Variants in PTGER4 observed in about 807,000 individuals in gnomAD.
PTGER4 encodes prostaglandin E receptor 4.
PTGER4 carries 11 observed loss-of-function variants against 33.2 expected under a neutral mutation model. That is an observed-to-expected ratio of 0.33 (90% CI 0.21 to 0.55). PTGER4 has a LOEUF of 0.55. Among genes scored for constraint, PTGER4 ranks in the 20% least tolerant of loss-of-function variants. The probability of loss-of-function intolerance (pLI) is 0.92; values close to 1 mark genes in which losing one functional copy is unlikely to be tolerated. For synonymous variants in PTGER4, 275 were observed against 281.5 expected, an observed-to-expected ratio of 0.98 and a Z score of 0.23; for missense variants, 481 against 650.2, an observed-to-expected ratio of 0.74 and a Z score of 2.83.
the PTGER4 span, among the ~76,000 whole-genome samples, chr5:40,723,770 C>T: frequency 6.6e-6 from 1 of 152,036 alleles, no homozygotes; most frequent in Non-Finnish European, 1.5e-5. Flanking sequence ...GAGGCTGAGG[C>T]AGGAGAATCA....
the PTGER4 span, among the ~76,000 whole-genome samples, chr5:40,724,373 G>A: frequency 6.6e-6 from 1 of 152,070 alleles, no homozygotes; most frequent in Non-Finnish European, 1.5e-5. Flanking sequence ...AGTGGCTCAC[G>A]CCTGTAATCC....
At chr5:40,697,594 C>CAAAAAAAAAAAAAA (rs1308596268), downstream of PTGER4, among the ~76,000 whole-genome samples, 1 of 102,598 alleles carries the variant, frequency 9.7e-6, no homozygotes, top group Non-Finnish European at 1.9e-5. Flanking sequence ...AAAAAAAAAA[C>CAAAAAAAAAAAAAA]AAAAAAACAA....
chr5:40,690,573 T>C (rs1056712049), intron 2 of PTGER4, among the ~76,000 whole-genome samples: 2 of 152,210 alleles, frequency 1.3e-5, no homozygotes, highest in African/African-American at 4.8e-5. Flanking sequence ...TTACTATAAC[T>C]GGGGAACAGA....
the PTGER4 span, among the ~76,000 whole-genome samples, chr5:40,724,789 A>C: frequency 8.5e-5 from 13 of 152,186 alleles, no homozygotes; most frequent in African/African-American, 3.1e-4. Context: ...ATTATAAAAA[A>C]GATAATGCAG....
At chr5:40,745,853 G>A in the PTGER4 span, among the ~76,000 whole-genome samples, 1 of 151,894 alleles carries the variant, frequency 6.6e-6, no homozygotes, top group South Asian at 2.1e-4. Flanking sequence ...TCCCACCTTG[G>A]CCTCCCAAAG....
intron 2 of PTGER4, among the ~76,000 whole-genome samples, chr5:40,684,959 G>A (rs1383105406): frequency 6.6e-6 from 1 of 152,114 alleles, no homozygotes; most frequent in African/African-American, 2.4e-5. Flanking sequence ...AGCCTCCTAA[G>A]GTCCTGGTTT....
the PTGER4 span, chr5:40,746,738 C>T: frequency 1.3e-5 from 16 of 1,253,690 alleles, 1 homozygote; most frequent in South Asian, 5.7e-5. Flanking sequence ...CATCCCATTA[C>T]GGACAGTGAG....
rs951541693 is a variant in PTGER4, at chr5:40,692,187, G to A, written c.1276G>A (p.Glu426Lys). Residue 426 changes from glutamate to lysine, a missense_variant, in exon 3 of 3, where the codon GAA (glutamate) becomes AAA (lysine). By Grantham distance (56) the Glu-to-Lys change is moderately conservative. Coordinates refer to ENST00000302472, the MANE Select transcript of PTGER4 (RefSeq NM_000958.3). ...TGTGCCTGGCATGGGCCTGGCCCAGGAAGACACCACCTCACTGAGGACTTT... is the reference window on the plus strand; with the variant it reads ...TGTGCCTGGCATGGGCCTGGCCCAGAAAGACACCACCTCACTGAGGACTTT... ...PGVPGMGLAQ[E>K]DTTSLRTLRI... is the part of the protein sequence containing the mutation. The A allele has an allele frequency of 6.2e-7, 1 of 1,614,240 alleles. No homozygotes were observed. Among genetic ancestry groups the A allele is most frequent in the South Asian group, 1.1e-5 (1 of 91,090 alleles).
the PTGER4 span, among the ~76,000 whole-genome samples, chr5:40,708,747 C>A: frequency 6.2e-5 from 9 of 145,706 alleles, no homozygotes; most frequent in East Asian, 1.8e-3. Flanking sequence ...AATTTTAGAC[C>A]AATATCCCTG....
At position 40,692,162 on chromosome 5, in the gene PTGER4, T is replaced by C; in HGVS notation, c.1251T>C (p.Gly417=). The C allele has an allele frequency of 1.2e-6, 2 of 1,614,208 alleles. No homozygotes were observed. The highest frequency in any genetic ancestry group is 1.7e-6 in the Non-Finnish European group (2 of 1,180,042). Residue 417 remains glycine (G), a synonymous_variant, in exon 3 of 3, where the codon GGT becomes GGC. Transcript: ENST00000302472. ...TTGGAGGCAGGAATTTGCTTCCAGG[T>C]GTGCCTGGCATGGGCCTGGCCCAGG... The part of the protein sequence containing the change: ...NGLGGRNLLP[G]VPGMGLAQED...
At chr5:40,700,538 A>T in the PTGER4 span, among the ~76,000 whole-genome samples, 3 of 152,252 alleles carry the variant, frequency 2.0e-5, no homozygotes, top group Admixed American at 2.0e-4. Context: ...TCGTCACCAG[A>T]CAGGGAACCC....
chr5:40,694,271 A>C (rs1741538413), downstream of PTGER4, among the ~76,000 whole-genome samples: 1 of 152,144 alleles, frequency 6.6e-6, no homozygotes, highest in Non-Finnish European at 1.5e-5. Flanking sequence ...GGTTGGTCTC[A>C]AACTCCTGGC....
chr5:40,691,955 C>T lies in PTGER4; in HGVS notation c.1044C>T (p.Phe348=), dbSNP rs920327159. ...CAATAGAGAAGATCAAATGCCTCTTCTGCCGCATTGGCGGGTCCCGCAGGG... is the reference window on the plus strand; with the variant it reads ...CAATAGAGAAGATCAAATGCCTCTTTTGCCGCATTGGCGGGTCCCGCAGGG... ...SKAIEKIKCL[F]CRIGGSRRER... The change falls in exon 3 of 3, where the codon TTC becomes TTT. Residue 348 remains phenylalanine, a synonymous_variant. Transcript: ENST00000302472. This position sits in a 1 kb window ranked among gnomAD's most constrained non-coding sequence, Gnocchi z 4.2. The T allele has an allele frequency of 5.6e-6, 9 of 1,614,262 alleles. No individual in the cohort carries two copies. The highest frequency in any genetic ancestry group is 7.6e-6 in the Non-Finnish European group (9 of 1,180,046).
At chr5:40,711,377 C>T in the PTGER4 span, among the ~76,000 whole-genome samples, 1 of 152,014 alleles carries the variant, frequency 6.6e-6, no homozygotes, top group Non-Finnish European at 1.5e-5. Flanking sequence ...AAAAGACTGA[C>T]AATATCAATC....
the PTGER4 span, among the ~76,000 whole-genome samples, chr5:40,722,398 G>A: frequency 6.9e-6 from 1 of 145,606 alleles, no homozygotes; most frequent in African/African-American, 2.6e-5. Context: ...CCCTCTGCCC[G>A]GCCGCCCAGT....
chr5:40,716,142 G>A, the PTGER4 span: 11 of 1,590,544 alleles, frequency 6.9e-6, no homozygotes, highest in East Asian at 9.0e-5. Flanking sequence ...TATGCATACT[G>A]CTTCATCGGG....
At chr5:40,709,939 A>G in the PTGER4 span, among the ~76,000 whole-genome samples, 370 of 152,372 alleles carry the variant, frequency 2.4e-3, no homozygotes, top group African/African-American at 8.6e-3. Flanking sequence ...GATGGATTAA[A>G]GACTTAAATG....
the PTGER4 span, among the ~76,000 whole-genome samples, chr5:40,724,106 C>G: frequency 6.6e-6 from 1 of 152,084 alleles, no homozygotes; most frequent in Non-Finnish European, 1.5e-5. Flanking sequence ...TCACGATAGC[C>G]AATATGTAGA....
the PTGER4 span, among the ~76,000 whole-genome samples, chr5:40,722,709 G>A: frequency 1.3e-5 from 2 of 151,772 alleles, no homozygotes; most frequent in African/African-American, 4.8e-5. Context: ...TCTCCGCCCG[G>A]CCAGCGCCCC....
Sources: gnomAD v4.1 joint callset for allele counts (sites outside exome capture counted in the v4.1 genomes callset) on GRCh38, gnomAD v4.1.1 for gene constraint, Gnocchi (gnomAD v3.1) non-coding constraint, MANE v1.5 for transcripts, NCBI Gene and HGNC (gene_info 2026-07-23, HGNC 2026-07-21) for gene names.